NIN: variants seen among roughly 807,000 people sequenced by gnomAD.
NIN encodes ninein, also known as glycogen synthase kinase 3 beta-interacting protein.
NIN carries 137 observed loss-of-function variants against 257.6 expected under a neutral mutation model. The observed-to-expected ratio is 0.53, with a 90% CI of 0.46 to 0.61. NIN has a LOEUF of 0.61. Ranked by LOEUF, NIN falls within the 20% of genes least tolerant of loss-of-function variation. NIN has a pLI of 0.00. For synonymous variants in NIN, 918 were observed against 919.8 expected, an observed-to-expected ratio of 1.00 and a Z score of 0.04; for missense variants, 2,439 against 2,501.2, an observed-to-expected ratio of 0.98 and a Z score of 0.53.
chr14:50,721,421 G>A lies in NIN; in HGVS notation c.*2042C>T, dbSNP rs1159509618. The A allele has an allele frequency of 4.6e-6, 1 of 216,076 alleles. No homozygotes were observed. Among genetic ancestry groups the A allele is most frequent in the African/African-American group, 2.3e-5 (1 of 44,406 alleles). The allele number at this position is 216,076 out of a possible 1,614,324, so 13.4% of individuals were successfully genotyped here. ...TACAACAACCGTGATCACATGCTAA[G>A]GCCAGCTATCTGGGAAATATTATTG... On this transcript the variant is annotated 3_prime_UTR_variant, in exon 31 of 31. Coordinates refer to ENST00000530997, the MANE Select transcript of NIN (RefSeq NM_020921.4).
Position 50,737,495 on chromosome 14 carries a change from CAAAAAAAAAAA to C in NIN, c.5775+634_5775+644del, listed in dbSNP as rs58386910. Among the ~76,000 whole-genome samples, 7 of 54,466 alleles carry C rather than the reference CAAAAAAAAAAA, an allele frequency of 1.3e-4. 1 individual carries two copies. The highest frequency in any genetic ancestry group is 4.0e-4 in the African/African-American group (7 of 17,552). 35.7% of individuals were successfully genotyped at this position (54,466 alleles called of 152,430 possible). A position where few individuals can be genotyped will look rare whatever the true frequency, so the allele number is the denominator to read the frequency against. On this transcript the variant is annotated intron_variant, in intron 27 of 30. Coordinates refer to ENST00000530997, the MANE Select transcript of NIN (RefSeq NM_020921.4). ...AATGTTGTTTTAATTTGTTACATAG[CAAAAAAAAAAA>C]AAAAAAAAAAAAAAGCCCATATTAA...
chr14:50,800,700 G>A (rs2044059921), intron 4 of NIN, among the ~76,000 whole-genome samples: 1 of 151,994 alleles, frequency 6.6e-6, no homozygotes, highest in Non-Finnish European at 1.5e-5. Context: ...TCCAATTTCA[G>A]GATTAGAAGC....
intron 27 of NIN, among the ~76,000 whole-genome samples, chr14:50,736,453 T>G (rs2040984662): frequency 6.6e-6 from 1 of 152,062 alleles, no homozygotes; most frequent in South Asian, 2.1e-4. Flanking sequence ...TTATAACTCT[T>G]TACTACAGGA....
chr14:50,823,660 GT>G (rs764406500), intron 2 of NIN, among the ~76,000 whole-genome samples: 1 of 152,178 alleles, frequency 6.6e-6, no homozygotes, highest in Non-Finnish European at 1.5e-5. Context: ...ATACAGCTCA[GT>G]TTTTACTGGG....
At chr14:50,772,225 C>T (rs770792366) in intron 9 of NIN, 76 bp downstream of exon 9, 164 of 1,296,868 alleles carry the variant, frequency 1.3e-4, no homozygotes, top group Non-Finnish European at 1.6e-4. Context: ...AATCAAATCA[C>T]AGTTTCCAAA....
intron 13 of NIN, 91 bp downstream of exon 13, chr14:50,766,689 T>C: frequency 1.1e-6 from 1 of 875,058 alleles, no homozygotes. Flanking sequence ...AATTGCCTAA[T>C]AAAAATGTTC....
At chr14:50,806,877 A>G in intron 3 of NIN, 59 bp from the exon 4 acceptor site, 1 of 806,260 alleles carries the variant, frequency 1.2e-6, no homozygotes, top group Non-Finnish European at 2.0e-6. Flanking sequence ...ATGCAAACCT[A>G]TCTACAAGGT....
chr14:50,730,919 C>G (rs771176453), intron 28 of NIN: 2 of 1,344,458 alleles, frequency 1.5e-6, no homozygotes, highest in Non-Finnish European at 9.8e-7. Context: ...AGAGAATGTT[C>G]TACCTTCACA....
chr14:50,773,268 C>G (rs978721891), intron 7 of NIN, among the ~76,000 whole-genome samples, 173 bp from the exon 8 acceptor site: 1 of 152,174 alleles, frequency 6.6e-6, no homozygotes, highest in East Asian at 1.9e-4. Context: ...ATATGCCCTC[C>G]TCCTTCCCAC....
intron 5 of NIN, 48 bp downstream of exon 5, chr14:50,792,664 G>A: frequency 6.2e-7 from 1 of 1,606,944 alleles, no homozygotes; most frequent in Non-Finnish European, 8.5e-7. Context: ...CACTGACGTG[G>A]GGCTCCACAC....
At chr14:50,789,520 G>A (rs930663733) in intron 5 of NIN, among the ~76,000 whole-genome samples, 3 of 152,182 alleles carry the variant, frequency 2.0e-5, no homozygotes, top group Admixed American at 6.5e-5. Context: ...CCAACGAGCC[G>A]AGGTTGCGCC....
chr14:50,784,349 C>T (rs1048168581), intron 5 of NIN, among the ~76,000 whole-genome samples: 10 of 152,144 alleles, frequency 6.6e-5, no homozygotes, highest in South Asian at 2.1e-4. Context: ...GTTCAATTTC[C>T]GCTCTACTAC....
intron 10 of NIN, 22 bp from the exon 11 acceptor site, chr14:50,771,014 G>A (rs1165619889): frequency 5.8e-5 from 93 of 1,607,842 alleles, no homozygotes; most frequent in Non-Finnish European, 7.6e-5. Context: ...AGTACACTGA[G>A]TTAATGGGAA....
At chr14:50,738,320 A>G (rs2041104093) in intron 26 of NIN, 34 bp from the exon 27 acceptor site, 1 of 1,597,462 alleles carries the variant, frequency 6.3e-7, no homozygotes, top group Admixed American at 1.7e-5. Flanking sequence ...AAAAAATGCT[A>G]ATACAATCAC....
chr14:50,820,213 AT>A (rs746083706), intron 3 of NIN, among the ~76,000 whole-genome samples: 33 of 152,178 alleles, frequency 2.2e-4, no homozygotes, highest in Admixed American at 3.9e-4. Context: ...AGTATTCATT[AT>A]TCAGGCAAAT....
chr14:50,738,410 C>G (rs1221725578), intron 26 of NIN, 124 bp from the exon 27 acceptor site: 1 of 800,658 alleles, frequency 1.2e-6, no homozygotes, highest in African/African-American at 1.8e-5. Context: ...TTCAATCAAG[C>G]CTGTAAATAC....
intron 5 of NIN, among the ~76,000 whole-genome samples, chr14:50,779,145 A>G (rs572289597): frequency 1.3e-5 from 2 of 152,348 alleles, no homozygotes; most frequent in African/African-American, 2.4e-5. Flanking sequence ...ATCTGTACAC[A>G]TGCATTTATG....
At chr14:50,735,045 T>G (rs965829867) in intron 28 of NIN, among the ~76,000 whole-genome samples, 1 of 152,192 alleles carries the variant, frequency 6.6e-6, no homozygotes, top group Non-Finnish European at 1.5e-5. Context: ...GAGTTCTAAA[T>G]GTAGTAATGA....
At chr14:50,824,793 G>T (rs1441458351) in intron 2 of NIN, among the ~76,000 whole-genome samples, 1 of 152,076 alleles carries the variant, frequency 6.6e-6, no homozygotes, top group Non-Finnish European at 1.5e-5. Flanking sequence ...TGAAAATTTT[G>T]GAATGCCCAT....
Sources: allele counts gnomAD v4.1 joint callset (sites outside exome capture counted in the v4.1 genomes callset), GRCh38; gene constraint gnomAD v4.1.1; transcripts MANE v1.5; gene names NCBI Gene and HGNC (gene_info 2026-07-23, HGNC 2026-07-21).